Variants in SLC1A2 observed in about 807,000 individuals in gnomAD.
SLC1A2 encodes the protein excitatory amino acid transporter 2.
SLC1A2 carries 15 observed loss-of-function variants against 48.8 expected under a neutral mutation model. That is an observed-to-expected ratio of 0.31 (90% CI 0.21 to 0.47). The LOEUF (loss-of-function observed/expected upper bound fraction) is 0.47, where lower values mean the gene tolerates loss of function less well. Ranked by LOEUF, SLC1A2 falls within the 20% of genes least tolerant of loss-of-function variation. SLC1A2 has a pLI of 0.99. For missense variants in SLC1A2, 502 were observed against 730.5 expected (o/e 0.69, Z 3.61); for synonymous variants, 279 against 272.6 (o/e 1.02, Z -0.23).
At chr11:35,288,922 T>TA (rs954047556) in intron 7 of SLC1A2, among the ~76,000 whole-genome samples, 4 of 152,098 alleles carry the variant, frequency 2.6e-5, no homozygotes, top group Admixed American at 1.3e-4. Context: ...CTTTTTGTCT[T>TA]AAAAAACCCA....
chr11:35,392,561 A>G (rs1854815886), intron 1 of SLC1A2, among the ~76,000 whole-genome samples: 1 of 152,248 alleles, frequency 6.6e-6, no homozygotes, highest in Admixed American at 6.5e-5. Flanking sequence ...TTTCTTATTC[A>G]TACTCCATCT....
chr11:35,397,272 C>A lies in SLC1A2; in HGVS notation c.17+21678G>T, dbSNP rs1854994173. Among the ~76,000 whole-genome samples the A allele has an allele frequency of 4.7e-5, 7 of 147,916 alleles. No individual in the cohort carries two copies. In the South Asian group the frequency reaches 1.6e-3, roughly 33 times the overall value. ...CCGGAGGCATCACGCTACCTGACTT[C>A]AAACTATACTACAAGGCTACAGTAA... On this transcript the variant is annotated intron_variant, in intron 1 of 10. Coordinates refer to ENST00000278379, the MANE Select transcript of SLC1A2 (RefSeq NM_004171.4).
Position 35,256,485 on chromosome 11 carries a change from T to G in SLC1A2, c.*4409A>C, listed in dbSNP as rs1049679283. The G allele has an allele frequency of 7.6e-4, 116 of 152,706 alleles. No individual in the cohort carries two copies. Among genetic ancestry groups the G allele is most frequent in the African/African-American group, 2.7e-3 (113 of 41,560 alleles). The allele number at this position is 152,706 out of a possible 1,614,324, so 9.5% of individuals were successfully genotyped here. On this transcript the variant is annotated 3_prime_UTR_variant, in exon 11 of 11. Transcript: ENST00000278379. ...TGCTAGGAGAACAATCTGCCTCTAGTGCCACCTGCTTGGATTGGCACTCAG... is the reference window on the plus strand; with the variant it reads ...TGCTAGGAGAACAATCTGCCTCTAGGGCCACCTGCTTGGATTGGCACTCAG...
Position 35,254,916 on chromosome 11 carries a change from T to A in SLC1A2, c.*5978A>T, listed in dbSNP as rs1165765064. 1.2e-5 allele frequency: 5 copies of A among 401,170 alleles called. No individual in the cohort carries two copies. The highest frequency in any genetic ancestry group is 2.1e-5 in the African/African-American group (1 of 47,726). The allele number at this position is 401,170 out of a possible 1,614,324, so 24.9% of individuals were successfully genotyped here. ...TAGAAAAAAACTGATCAGTAGTTAT[T>A]CAGGATATTATTTAGGATAAATGAA... is the stretch of plus-strand genomic sequence containing the variant. On this transcript the variant is annotated 3_prime_UTR_variant, in exon 11 of 11. Coordinates refer to ENST00000278379, the MANE Select transcript of SLC1A2 (RefSeq NM_004171.4).
intron 9 of SLC1A2, among the ~76,000 whole-genome samples, chr11:35,276,799 T>A (rs1318525990): frequency 6.6e-6 from 1 of 152,228 alleles, no homozygotes; most frequent in Non-Finnish European, 1.5e-5. Context: ...TTTATTTTCA[T>A]GCTGAGAGAA....
intron 1 of SLC1A2, among the ~76,000 whole-genome samples, chr11:35,359,007 G>A (rs1159729704): frequency 6.6e-6 from 1 of 152,148 alleles, no homozygotes; most frequent in Non-Finnish European, 1.5e-5. Flanking sequence ...AGCCAGACCT[G>A]CTAATTTTCC....
intron 7 of SLC1A2, among the ~76,000 whole-genome samples, chr11:35,290,755 A>G (rs777254721): frequency 1.7e-4 from 25 of 149,212 alleles, no homozygotes; most frequent in Non-Finnish European, 3.0e-4. Flanking sequence ...GAAGATCTGT[A>G]TGGATAGAGA....
chr11:35,415,499 G>A (rs966559109), intron 1 of SLC1A2, among the ~76,000 whole-genome samples: 1 of 152,188 alleles, frequency 6.6e-6, no homozygotes, highest in African/African-American at 2.4e-5. Context: ...CATGCAACCT[G>A]CAAACCCCTC....
chr11:35,274,565 G>A (rs1316851232), intron 9 of SLC1A2, among the ~76,000 whole-genome samples: 1 of 152,066 alleles, frequency 6.6e-6, no homozygotes, highest in Non-Finnish European at 1.5e-5. Context: ...TTAAGTTTGT[G>A]TGTGTGTGTG....
intron 4 of SLC1A2, among the ~76,000 whole-genome samples, chr11:35,308,334 A>G (rs539070814): frequency 4.6e-5 from 7 of 152,298 alleles, no homozygotes; most frequent in Non-Finnish European, 1.0e-4. Flanking sequence ...GTTGAAGCTG[A>G]GGAGATAGGA....
At chr11:35,401,353 TGA>T (rs1311257276) in intron 1 of SLC1A2, among the ~76,000 whole-genome samples, 1 of 152,234 alleles carries the variant, frequency 6.6e-6, no homozygotes, top group Admixed American at 6.5e-5. Flanking sequence ...AAAATATATT[TGA>T]GGGTAAAACA....
At chr11:35,299,585 T>G (rs79468365) in intron 6 of SLC1A2, 10 of 152,132 alleles carry the variant, frequency 6.6e-5, no homozygotes, top group Non-Finnish European at 1.0e-4. Context: ...CTGTTAAATA[T>G]GGTTCATGAA....
rs1950358828 is a variant in SLC1A2 at position 35,259,281 on chromosome 11, T to C, written c.*1613A>G. 1 of 152,630 alleles carries C rather than the reference T, an allele frequency of 6.6e-6. No homozygotes were observed. Among genetic ancestry groups the C allele is most frequent in the African/African-American group, 2.4e-5 (1 of 41,450 alleles). The allele number at this position is 152,630 out of a possible 1,614,324, so 9.5% of individuals were successfully genotyped here. On this transcript the variant is annotated 3_prime_UTR_variant, in exon 11 of 11. Coordinates refer to ENST00000278379, the MANE Select transcript of SLC1A2 (RefSeq NM_004171.4). ...TTGGATTCTATAAACCATGACTGTCTCAGCATCCCTCCGCTGGTTTCATAT... is the reference window on the plus strand; with the variant it reads ...TTGGATTCTATAAACCATGACTGTCCCAGCATCCCTCCGCTGGTTTCATAT...
chr11:35,301,371 G>C (rs112842703), intron 6 of SLC1A2, 148 bp downstream of exon 6: 4 of 677,894 alleles, frequency 5.9e-6, no homozygotes, highest in Non-Finnish European at 9.7e-6. Flanking sequence ...CTCCAAAAAA[G>C]ATATTTTCAT....
At chr11:35,383,403 G>A (rs1854491113) in intron 1 of SLC1A2, among the ~76,000 whole-genome samples, 2 of 152,060 alleles carry the variant, frequency 1.3e-5, no homozygotes, top group Admixed American at 1.3e-4. Context: ...ATGCTATATG[G>A]CTTAAGGAGA....
intron 5 of SLC1A2, among the ~76,000 whole-genome samples, chr11:35,305,265 A>G (rs555371088): frequency 2.6e-5 from 4 of 152,200 alleles, no homozygotes; most frequent in Admixed American, 2.0e-4. Flanking sequence ...TCAGCTCTCC[A>G]CCCACTTTGA....
At chr11:35,297,459 A>G (rs1851209335) in intron 6 of SLC1A2, among the ~76,000 whole-genome samples, 1 of 152,162 alleles carries the variant, frequency 6.6e-6, no homozygotes, top group Non-Finnish European at 1.5e-5. Context: ...AATGATCCTG[A>G]ATAAAATCTG....
In SLC1A2 at chr11:35,306,081, G is replaced by A. The variant is rs780570197; in HGVS notation, c.723C>T (p.Asn241=). 2.0e-5 allele frequency: 33 copies of A among 1,613,562 alleles called. No individual in the cohort carries two copies. The highest frequency in any genetic ancestry group is 1.0e-4 in the Admixed American group (6 of 59,980). ...KKGLEFKDGM[N]VLGLIGFFIA... ...GACCACCAGCTGGCCTACCTAAGAC[G>A]TTCATCCCATCCTTGAACTCCAGGC... Residue 241 remains asparagine (N), a synonymous_variant, in exon 5 of 11, where the codon AAC becomes AAT. Transcript: ENST00000278379.
chr11:35,275,443 C>T (rs1850413104), intron 9 of SLC1A2, among the ~76,000 whole-genome samples: 1 of 133,180 alleles, frequency 7.5e-6, no homozygotes, highest in Admixed American at 7.5e-5. Flanking sequence ...GGGGTGTCAG[C>T]AAGGTCTCTT....
Sources: gnomAD v4.1 joint callset for allele counts (sites outside exome capture counted in the v4.1 genomes callset) on GRCh38, gnomAD v4.1.1 for gene constraint, MANE v1.5 for transcripts, NCBI Gene and HGNC (gene_info 2026-07-23, HGNC 2026-07-21) for gene names.